The following SLC25A26 variants were observed in gnomAD, a reference collection of about 807,000 sequenced individuals.
SLC25A26 encodes mitochondrial S-adenosylmethionine carrier protein.
In SLC25A26, 36 loss-of-function variants were observed where a neutral mutation model predicts 37.8. The observed-to-expected ratio is 0.95, with a 90% CI of 0.73 to 1.26. SLC25A26 has a LOEUF of 1.26. Among genes scored for constraint, SLC25A26 ranks in the 50% most tolerant of loss-of-function variants. SLC25A26 has a pLI of 0.00. For synonymous variants in SLC25A26, 129 were observed against 122.5 expected (o/e 1.05, Z -0.35); for missense variants, 390 against 331.1 (o/e 1.18, Z -1.38).
chr3:66,372,944 C>T (rs958391758), intron 9 of SLC25A26, among the ~76,000 whole-genome samples: 12 of 152,112 alleles, frequency 7.9e-5, no homozygotes, highest in African/African-American at 2.9e-4. Context: ...ATGGTGCTGC[C>T]CTCTCGGGGT....
intron 5 of SLC25A26, among the ~76,000 whole-genome samples, chr3:66,327,832 G>A (rs755614649): frequency 6.7e-6 from 1 of 150,236 alleles, no homozygotes; most frequent in South Asian, 2.1e-4. Flanking sequence ...TTTTTCACTT[G>A]TCCTGTGTTT....
rs1166695962 is a variant in SLC25A26 at position 66,204,487 on chromosome 3, G to A, written c.-353-16255G>A. 4.6e-5 allele frequency among the ~76,000 whole-genome samples: 7 copies of A among 150,980 alleles called. No homozygotes were observed. The East Asian group carries it at 1.4e-3, about 29-fold the overall frequency. On this transcript the variant is annotated intron_variant, in intron 1 of 10. Coordinates refer to the SLC25A26 transcript ENST00000676754. ...AAAGAAAAAAGAAAATAATGAGAAT[G>A]GCTATTTGATAGAAGTATGAAATCT... is the stretch of plus-strand genomic sequence containing the variant.
intron 1 of SLC25A26, among the ~76,000 whole-genome samples, chr3:66,153,515 A>G (rs1420373485): frequency 6.6e-6 from 1 of 152,216 alleles, no homozygotes; most frequent in African/African-American, 2.4e-5. Flanking sequence ...TAGATGTTTA[A>G]TCTGATAAAG....
chr3:66,287,242 G>T (rs1297430816), intron 5 of SLC25A26, among the ~76,000 whole-genome samples: 1 of 150,332 alleles, frequency 6.7e-6, no homozygotes, highest in African/African-American at 2.5e-5. Flanking sequence ...CTTGCAGTTA[G>T]CCCAGATCAC....
In SLC25A26 at chr3:66,279,727, A is replaced by G. The variant is rs75547786; in HGVS notation, c.453+16348A>G. Among the ~76,000 whole-genome samples the G allele has an allele frequency of 3.0e-3, 461 of 152,244 alleles. 3 individuals are homozygous for G. Among genetic ancestry groups the G allele is most frequent in the East Asian group, 0.017 (86 of 5,174 alleles). Reference sequence around the variant, plus strand: ...TCTTATTAGTTTAGTGTGTATCCTGATTATGTTTTGGAAATAAGTGGTTAA... The same window carrying G: ...TCTTATTAGTTTAGTGTGTATCCTGGTTATGTTTTGGAAATAAGTGGTTAA... On this transcript the variant is annotated intron_variant, in intron 5 of 9. Transcript: ENST00000354883.
At chr3:66,204,128 G>C (rs985108526) in intron 1 of SLC25A26, among the ~76,000 whole-genome samples, 2 of 152,128 alleles carry the variant, frequency 1.3e-5, no homozygotes, top group Non-Finnish European at 2.9e-5. Flanking sequence ...AAACTTGCAT[G>C]AAAATCACGA....
At chr3:66,310,200 A>T (rs1016184745) in intron 5 of SLC25A26, among the ~76,000 whole-genome samples, 1 of 152,192 alleles carries the variant, frequency 6.6e-6, no homozygotes. Context: ...GGGTGCATAT[A>T]TATTTAGGAT....
intron 4 of SLC25A26, among the ~76,000 whole-genome samples, chr3:66,262,397 G>T (rs910395679): frequency 6.6e-6 from 1 of 152,152 alleles, no homozygotes; most frequent in African/African-American, 2.4e-5. Context: ...TCTTCCTGCA[G>T]TTCTTCTGGA....
At chr3:66,274,978 A>G (rs2074086988) in intron 5 of SLC25A26, among the ~76,000 whole-genome samples, 1 of 152,118 alleles carries the variant, frequency 6.6e-6, no homozygotes, top group Admixed American at 6.5e-5. Flanking sequence ...ACTATTCACA[A>G]TAGCAAAGAC....
At chr3:66,281,226 A>G (rs1218004919) in intron 5 of SLC25A26, among the ~76,000 whole-genome samples, 4 of 152,196 alleles carry the variant, frequency 2.6e-5, no homozygotes, top group African/African-American at 9.6e-5. Context: ...TCATTGAGTT[A>G]TACCAGGAGG....
intron 1 of SLC25A26, among the ~76,000 whole-genome samples, chr3:66,162,070 G>A (rs901720651): frequency 3.9e-5 from 6 of 152,218 alleles, no homozygotes; most frequent in East Asian, 3.9e-4. Context: ...CCTAGAAGTC[G>A]GAGATCAAGA....
At chr3:66,335,322 T>C (rs2076069646) in intron 5 of SLC25A26, among the ~76,000 whole-genome samples, 2 of 152,164 alleles carry the variant, frequency 1.3e-5, no homozygotes, top group Non-Finnish European at 2.9e-5. Context: ...CTTTACAGAG[T>C]TGGGAATTCC....
intron 5 of SLC25A26, among the ~76,000 whole-genome samples, chr3:66,290,792 C>G (rs1436682685): frequency 2.6e-5 from 4 of 152,110 alleles, no homozygotes; most frequent in African/African-American, 9.7e-5. Flanking sequence ...TGTTGTGTCT[C>G]TGCCAGGTTT....
chr3:66,146,930 G>A (rs2070123329), intron 1 of SLC25A26, among the ~76,000 whole-genome samples: 1 of 151,988 alleles, frequency 6.6e-6, no homozygotes. Context: ...ACAGTATTTG[G>A]TTTTCCATTC....
chr3:66,311,356 G>A (rs545900993), intron 5 of SLC25A26, among the ~76,000 whole-genome samples: 4 of 152,056 alleles, frequency 2.6e-5, no homozygotes, highest in African/African-American at 4.8e-5. Context: ...ATTTATGTTC[G>A]TGTCTAAACT....
chr3:66,215,276 A>T (rs2071343749), intron 1 of SLC25A26, among the ~76,000 whole-genome samples: 1 of 152,148 alleles, frequency 6.6e-6, no homozygotes, highest in African/African-American at 2.4e-5. Context: ...AATACGGTTC[A>T]CTACAGCCTT....
chr3:66,311,100 C>G (rs1445532562), intron 5 of SLC25A26, among the ~76,000 whole-genome samples: 2 of 152,162 alleles, frequency 1.3e-5, no homozygotes, highest in Non-Finnish European at 2.9e-5. Context: ...CAACGTGGTT[C>G]CATTCTCCCT....
At chr3:66,167,211 G>C (rs914770042) in intron 1 of SLC25A26, among the ~76,000 whole-genome samples, 1 of 152,270 alleles carries the variant, frequency 6.6e-6, no homozygotes, top group Non-Finnish European at 1.5e-5. Context: ...AGATTGGTTC[G>C]AGGAAAGGGT....
intron 1 of SLC25A26, among the ~76,000 whole-genome samples, chr3:66,197,340 G>T (rs2071058544): frequency 6.6e-6 from 1 of 152,098 alleles, no homozygotes; most frequent in Non-Finnish European, 1.5e-5. Flanking sequence ...TCAGGGTAAG[G>T]GTGAGTGTCA....
Sources: allele counts gnomAD v4.1 joint callset (sites outside exome capture counted in the v4.1 genomes callset), GRCh38; gene constraint gnomAD v4.1.1; transcripts MANE v1.5; gene names NCBI Gene and HGNC (gene_info 2026-07-23, HGNC 2026-07-21).